RALGPS1: variants seen among roughly 807,000 people sequenced by gnomAD.
RALGPS1 encodes Ral GEF with PH domain and SH3 binding motif 1, also known as ras-specific guanine nucleotide-releasing factor RalGPS1.
A neutral mutation model predicts 78.8 loss-of-function variants in RALGPS1; 19 were observed. The observed-to-expected ratio is 0.24, with a 90% confidence interval of 0.17 to 0.35. RALGPS1 has a LOEUF of 0.35. Among genes scored for constraint, RALGPS1 ranks in the 10% least tolerant of loss-of-function variants. The pLI is 1.00. For missense variants in RALGPS1, 454 were observed against 688.3 expected, an observed-to-expected ratio of 0.66 and a Z score of 3.81; for synonymous variants, 228 against 256.3, an observed-to-expected ratio of 0.89 and a Z score of 1.06.
chr9:126,918,277 C>T (rs138192483), intron 1 of RALGPS1, among the ~76,000 whole-genome samples: 1 of 152,184 alleles, frequency 6.6e-6, no homozygotes, highest in Admixed American at 6.5e-5. Flanking sequence ...TTCATGGTTG[C>T]AATCGTACGT....
chr9:126,923,245 G>A (rs943039215), intron 1 of RALGPS1, among the ~76,000 whole-genome samples: 3 of 152,148 alleles, frequency 2.0e-5, no homozygotes, highest in African/African-American at 7.2e-5. Context: ...TGTTGATTCT[G>A]CAGGTAGCTA....
At chr9:127,135,615 G>C (rs970758636) in intron 8 of RALGPS1, among the ~76,000 whole-genome samples, 1 of 152,250 alleles carries the variant, frequency 6.6e-6, no homozygotes, top group South Asian at 2.1e-4. Context: ...GAGGGAACCA[G>C]ACTAGGGGCC....
intron 8 of RALGPS1, among the ~76,000 whole-genome samples, chr9:127,120,664 T>TA (rs2055960920): frequency 6.6e-6 from 1 of 151,922 alleles, no homozygotes; most frequent in Non-Finnish European, 1.5e-5. Context: ...CTACTGAAAA[T>TA]ACACACACAC....
In RALGPS1 at chr9:126,944,976, C is replaced by G. The variant is rs576608824; in HGVS notation, c.-65-17249C>G. 2.6e-5 allele frequency among the ~76,000 whole-genome samples: 4 copies of G among 152,288 alleles called. 1 individual carries two copies. The South Asian group carries it at 8.3e-4, about 32-fold the overall frequency. On this transcript the variant is annotated intron_variant, in intron 1 of 18. Coordinates refer to ENST00000259351, the MANE Select transcript of RALGPS1 (RefSeq NM_014636.3). Reference sequence around the variant, plus strand: ...TGTCAAGCCTATAGAGTGAAAGAGTCTCATCTAGCCCTGCAGGTGTTGTTG... The same window carrying G: ...TGTCAAGCCTATAGAGTGAAAGAGTGTCATCTAGCCCTGCAGGTGTTGTTG...
At chr9:126,970,514 G>A (rs905414425) in intron 3 of RALGPS1, among the ~76,000 whole-genome samples, 1 of 152,164 alleles carries the variant, frequency 6.6e-6, no homozygotes, top group Non-Finnish European at 1.5e-5. Context: ...GCAACTAGGG[G>A]GTCCCTTCTA....
intron 14 of RALGPS1, among the ~76,000 whole-genome samples, chr9:127,206,327 A>G (rs2061929307): frequency 6.6e-6 from 1 of 152,226 alleles, no homozygotes; most frequent in Non-Finnish European, 1.5e-5. Flanking sequence ...TAGGTAATTT[A>G]TAAAGGAAAG....
At position 127,211,295 on chromosome 9, in the gene RALGPS1, G is replaced by A. The variant is rs768877769; in HGVS notation, c.1248-836G>A. Among the ~76,000 whole-genome samples, 1 of 152,180 alleles carries A rather than the reference G, an allele frequency of 6.6e-6. No homozygotes were observed. Among genetic ancestry groups the A allele is most frequent in the Non-Finnish European group, 1.5e-5 (1 of 68,030 alleles). On this transcript the variant is annotated intron_variant, in intron 14 of 18. Transcript: ENST00000259351. The surrounding 1 kb of genome is among the most constrained non-coding windows in gnomAD (Gnocchi z 5.0). ...GTGGAGGAGAGGAGAGGGGGAGGGT[G>A]GAGGCACTGGCCGGTGTGGACCCAG... is the stretch of plus-strand genomic sequence containing the variant.
chr9:127,064,349 TGTA>T (rs1042247090), intron 7 of RALGPS1, among the ~76,000 whole-genome samples: 12 of 152,342 alleles, frequency 7.9e-5, no homozygotes, highest in African/African-American at 2.9e-4. Flanking sequence ...TTATAGTTCT[TGTA>T]ATGAAAGCTT....
intron 4 of RALGPS1, among the ~76,000 whole-genome samples, chr9:127,020,465 G>A (rs2045336818): frequency 6.6e-6 from 1 of 152,194 alleles, no homozygotes; most frequent in Admixed American, 6.5e-5. Context: ...ACAAGTTAGA[G>A]ATTGCAGAAA....
chr9:127,203,255 TC>T (rs1319879918), intron 14 of RALGPS1, among the ~76,000 whole-genome samples: 1 of 152,218 alleles, frequency 6.6e-6, no homozygotes, highest in Non-Finnish European at 1.5e-5. Flanking sequence ...GAGTTTATTT[TC>T]CCTGTATTCT....
chr9:126,961,328 A>C lies in RALGPS1; in HGVS notation c.-65-897A>C, dbSNP rs529347299. 5.3e-5 allele frequency among the ~76,000 whole-genome samples: 8 copies of C among 152,270 alleles called. No individual in the cohort carries two copies. In the East Asian group the frequency reaches 1.5e-3, roughly 29 times the overall value. On this transcript the variant is annotated intron_variant, in intron 1 of 18. Transcript: ENST00000259351. ...CCTGTGCCTCAGTTTCCCCACATGCAATAGGGTGTAATGATAGGACCTACT... is the reference window on the plus strand; with the variant it reads ...CCTGTGCCTCAGTTTCCCCACATGCCATAGGGTGTAATGATAGGACCTACT...
At chr9:126,996,380 A>G (rs1342920181) in intron 4 of RALGPS1, among the ~76,000 whole-genome samples, 2 of 152,244 alleles carry the variant, frequency 1.3e-5, no homozygotes, top group Non-Finnish European at 2.9e-5. Context: ...AATACAAACT[A>G]CCATCAGAGA....
At chr9:126,975,231 T>A (rs1035090275) in intron 3 of RALGPS1, among the ~76,000 whole-genome samples, 1 of 152,248 alleles carries the variant, frequency 6.6e-6, no homozygotes, top group Non-Finnish European at 1.5e-5. Flanking sequence ...TCTGGTGACC[T>A]CTGTTGTTGT....
intron 7 of RALGPS1, among the ~76,000 whole-genome samples, chr9:127,067,034 C>A (rs916170422): frequency 6.6e-6 from 1 of 152,140 alleles, no homozygotes; most frequent in African/African-American, 2.4e-5. Flanking sequence ...TGTGTTGAAT[C>A]AAGTTCCCCA....
chr9:127,025,697 A>ATT (rs1244258415), intron 4 of RALGPS1, among the ~76,000 whole-genome samples: 2 of 141,812 alleles, frequency 1.4e-5, no homozygotes, highest in Admixed American at 7.0e-5. Flanking sequence ...CTTTTCTTTC[A>ATT]TTTTTTTTTT....
intron 8 of RALGPS1, among the ~76,000 whole-genome samples, chr9:127,096,796 CT>C (rs1164868826): frequency 6.6e-6 from 1 of 152,204 alleles, no homozygotes; most frequent in African/African-American, 2.4e-5. Context: ...AAACTCCTTG[CT>C]CTAAGAGTAG....
chr9:126,916,185 G>A (rs1290810080), intron 1 of RALGPS1, among the ~76,000 whole-genome samples: 1 of 152,196 alleles, frequency 6.6e-6, no homozygotes, highest in East Asian at 1.9e-4. Flanking sequence ...CTAAAGAAGA[G>A]AGGGTTTGTT....
chr9:126,964,594 T>G (rs2039265272), intron 2 of RALGPS1, among the ~76,000 whole-genome samples: 1 of 124,260 alleles, frequency 8.0e-6, no homozygotes, highest in African/African-American at 2.6e-5. Context: ...GGTGTGGAGC[T>G]GGCATTTTAT....
At chr9:127,041,019 T>G (rs572746708) in intron 5 of RALGPS1, among the ~76,000 whole-genome samples, 1 of 95,048 alleles carries the variant, frequency 1.1e-5, no homozygotes, top group South Asian at 3.5e-4. Flanking sequence ...TGAATAAAGC[T>G]GCTACAAACA....
Sources: allele counts gnomAD v4.1 joint callset (sites outside exome capture counted in the v4.1 genomes callset), GRCh38; gene constraint gnomAD v4.1.1; non-coding constraint Gnocchi (gnomAD v3.1); transcripts MANE v1.5; gene names NCBI Gene and HGNC (gene_info 2026-07-23, HGNC 2026-07-21).